Variants in RTL4 observed in about 807,000 individuals in gnomAD.
RTL4 encodes retrotransposon Gag like 4.
Under a neutral mutation model 5.3 loss-of-function variants are expected in RTL4, and 4 were observed. The observed-to-expected ratio is 0.75, with a 90% CI of 0.37 to 1.72. The LOEUF (loss-of-function observed/expected upper bound fraction) is 1.72. Ranked by LOEUF, RTL4 falls within the 40% of genes most tolerant of loss-of-function variation. The probability of loss-of-function intolerance (pLI) is 0.04; values close to 1 mark genes in which losing one functional copy is unlikely to be tolerated. For synonymous variants in RTL4, 98 were observed against 87.3 expected, an observed-to-expected ratio of 1.12 and a Z score of -0.68; for missense variants, 260 against 227.1, an observed-to-expected ratio of 1.14 and a Z score of -0.93.
At chrX:112,218,844 G>A in the RTL4 span, among the ~76,000 whole-genome samples, 3 of 112,256 alleles carry the variant, frequency 2.7e-5, no homozygotes, top group Admixed American at 9.5e-5. Context: ...ATAGTTGTGG[G>A]TGACTGATTG....
chrX:112,152,295 A>G, the RTL4 span, among the ~76,000 whole-genome samples: 1 of 111,809 alleles, frequency 8.9e-6, no homozygotes, highest in African/African-American at 3.3e-5. Flanking sequence ...TTCATTCTTG[A>G]CTCCAGATTT....
the RTL4 span, among the ~76,000 whole-genome samples, chrX:112,327,208 G>A: frequency 1.8e-5 from 2 of 111,924 alleles, no homozygotes; most frequent in Non-Finnish European, 3.8e-5. Context: ...AAATCACTCC[G>A]AGCTATGGGA....
chrX:112,218,019 C>T, the RTL4 span, among the ~76,000 whole-genome samples: 2 of 112,072 alleles, frequency 1.8e-5, no homozygotes, highest in Admixed American at 9.4e-5. Flanking sequence ...AAGAAACAAG[C>T]TCTTTGGGAA....
the RTL4 span, among the ~76,000 whole-genome samples, chrX:112,205,148 T>A: frequency 9.0e-6 from 1 of 111,543 alleles, no homozygotes; most frequent in Non-Finnish European, 1.9e-5. Flanking sequence ...GCAGATGCAC[T>A]TACAGCAGTG....
chrX:112,160,009 T>C, the RTL4 span, among the ~76,000 whole-genome samples: 2 of 111,652 alleles, frequency 1.8e-5, no homozygotes, highest in African/African-American at 6.5e-5. Context: ...TAAAGCCTAA[T>C]TACCAACTGT....
the RTL4 span, among the ~76,000 whole-genome samples, chrX:112,385,114 A>G: frequency 9.0e-6 from 1 of 111,440 alleles, no homozygotes; most frequent in Admixed American, 9.6e-5. Flanking sequence ...GTCTTTCATC[A>G]GATATCTGTT....
At chrX:112,168,112 C>T in the RTL4 span, among the ~76,000 whole-genome samples, 3 of 111,129 alleles carry the variant, frequency 2.7e-5, no homozygotes, top group South Asian at 1.2e-3. Flanking sequence ...AGCAAAGGAT[C>T]TGTCAAGAGA....
chrX:112,178,536 T>A, the RTL4 span, among the ~76,000 whole-genome samples: 1 of 112,093 alleles, frequency 8.9e-6, no homozygotes, highest in East Asian at 2.8e-4. Context: ...GTGAAGAGTT[T>A]GTAATATCTT....
chrX:112,197,848 G>A, the RTL4 span, among the ~76,000 whole-genome samples: 1 of 111,779 alleles, frequency 8.9e-6, no homozygotes, highest in African/African-American at 3.3e-5. Context: ...AGTTGACTTA[G>A]TGGGGGAAAT....
the RTL4 span, among the ~76,000 whole-genome samples, chrX:112,277,967 A>C: frequency 8.9e-6 from 1 of 112,298 alleles, no homozygotes; most frequent in African/African-American, 3.2e-5. Context: ...GATGTTATAT[A>C]GAGCACTGTT....
the RTL4 span, among the ~76,000 whole-genome samples, chrX:112,153,897 A>C: frequency 2.7e-5 from 3 of 111,184 alleles, no homozygotes; most frequent in African/African-American, 9.8e-5. Flanking sequence ...GGAAGGTTTC[A>C]GTCATTATTT....
the RTL4 span, among the ~76,000 whole-genome samples, chrX:112,427,033 T>C: frequency 9.0e-6 from 1 of 111,241 alleles, no homozygotes; most frequent in Non-Finnish European, 1.9e-5. Context: ...TTATACCAAT[T>C]CTCTACAATA....
At chrX:112,360,902 G>C in the RTL4 span, among the ~76,000 whole-genome samples, 2 of 110,897 alleles carry the variant, frequency 1.8e-5, no homozygotes, top group African/African-American at 6.5e-5. Flanking sequence ...GGTCCCTGGA[G>C]TTATTTATGG....
the RTL4 span, among the ~76,000 whole-genome samples, chrX:112,087,068 T>A: frequency 9.0e-6 from 1 of 111,468 alleles, no homozygotes; most frequent in East Asian, 2.8e-4. Context: ...TAAAGTGTAA[T>A]TGCAGAATCA....
At chrX:112,118,821 C>T in the RTL4 span, among the ~76,000 whole-genome samples, 4 of 111,317 alleles carry the variant, frequency 3.6e-5, no homozygotes, top group Non-Finnish European at 7.5e-5. Flanking sequence ...TATCAGTTTT[C>T]CAATTTTTAT....
chrX:112,176,026 C>T, the RTL4 span, among the ~76,000 whole-genome samples: 1 of 110,775 alleles, frequency 9.0e-6, no homozygotes, highest in Non-Finnish European at 1.9e-5. Flanking sequence ...GCAACTTCAG[C>T]AAAGTCTCAG....
chrX:112,237,710 T>C, the RTL4 span, among the ~76,000 whole-genome samples: 3 of 112,600 alleles, frequency 2.7e-5, no homozygotes, highest in African/African-American at 9.7e-5. Context: ...ATTTCTATTA[T>C]AGTTCCTGTT....
At chrX:112,271,678 A>G in the RTL4 span, among the ~76,000 whole-genome samples, 1 of 112,266 alleles carries the variant, frequency 8.9e-6, no homozygotes, top group African/African-American at 3.2e-5. Context: ...ACCAGTAAAA[A>G]TTGTATATAT....
the RTL4 span, among the ~76,000 whole-genome samples, chrX:112,139,800 C>A: frequency 8.9e-6 from 1 of 111,989 alleles, no homozygotes; most frequent in Non-Finnish European, 1.9e-5. Context: ...GGGAGGAACC[C>A]AGTGGGAGAT....
Sources: allele counts gnomAD v4.1 joint callset (sites outside exome capture counted in the v4.1 genomes callset), GRCh38; gene constraint gnomAD v4.1.1; transcripts MANE v1.5; gene names NCBI Gene and HGNC (gene_info 2026-07-23, HGNC 2026-07-21).